Variants in SEC31A observed in about 807,000 individuals in gnomAD.
The protein encoded by SEC31A is protein transport protein Sec31A.
In SEC31A, 70 loss-of-function variants were observed where a neutral mutation model predicts 151.0. That is an observed-to-expected ratio of 0.46 (90% CI 0.38 to 0.57). SEC31A has a LOEUF of 0.57. Ranked by LOEUF, SEC31A falls within the 20% of genes least tolerant of loss-of-function variation. SEC31A has a pLI of 0.00. For missense variants in SEC31A, 1,330 were observed against 1,471.2 expected, an observed-to-expected ratio of 0.90 and a Z score of 1.57; for synonymous variants, 475 against 505.9, an observed-to-expected ratio of 0.94 and a Z score of 0.82.
intron 24 of SEC31A, among the ~76,000 whole-genome samples, chr4:82,825,121 G>A (rs1724250300): frequency 1.3e-5 from 2 of 152,234 alleles, no homozygotes; most frequent in Admixed American, 1.3e-4. Flanking sequence ...TAACTGGGCT[G>A]TGATCAAAAC....
At chr4:82,845,993 T>TG (rs1560608767) in intron 20 of SEC31A, among the ~76,000 whole-genome samples, 1 of 151,492 alleles carries the variant, frequency 6.6e-6, no homozygotes, top group East Asian at 1.9e-4. Context: ...ATTGTTTTTT[T>TG]GTTTGTTTGT....
At chr4:82,822,498 T>A (rs916702888) in intron 25 of SEC31A, among the ~76,000 whole-genome samples, 4 of 152,122 alleles carry the variant, frequency 2.6e-5, no homozygotes, top group Admixed American at 2.0e-4. Flanking sequence ...GGAATGCCAG[T>A]GTGCTTGGAG....
chr4:82,862,235 AT>A (rs1234521205), intron 13 of SEC31A, among the ~76,000 whole-genome samples: 12 of 64,008 alleles, frequency 1.9e-4, no homozygotes, highest in South Asian at 8.1e-4. Context: ...CTTTCCTACC[AT>A]TTTTTTTTTC....
At position 82,866,791 on chromosome 4, in the gene SEC31A, A is replaced by T; in HGVS notation, c.1197+17T>A. The T allele has an allele frequency of 2.5e-6, 4 of 1,595,836 alleles. No homozygotes were observed. The highest frequency in any genetic ancestry group is 3.4e-6 in the Non-Finnish European group (4 of 1,174,706). On this transcript the variant is annotated intron_variant, in intron 10 of 26. Transcript: ENST00000395310. ...AGTCCTTTGTGCCTATGGACCATAA[A>T]AACAAAATCCACCTACTGAAAAAGA...
chr4:82,887,257 G>C (rs1740939078), intron 1 of SEC31A, among the ~76,000 whole-genome samples: 1 of 152,074 alleles, frequency 6.6e-6, no homozygotes, highest in African/African-American at 2.4e-5. Context: ...ATTAATGCTT[G>C]GTTAATGTGT....
In SEC31A at chr4:82,837,174, TATATATATATATATATATATATATA is replaced by T. The variant is rs1240015775; in HGVS notation, c.2968+4941_2968+4965del. On this transcript the variant is annotated intron_variant, in intron 22 of 26. Coordinates refer to ENST00000395310, the MANE Select transcript of SEC31A (RefSeq NM_001077207.4). ...AAATTTTATCATATATATATATATA[TATATATATATATATATATATATATA>T]ATTTCACCACAATAAAAACTTTAAT... Among the ~76,000 whole-genome samples the T allele has an allele frequency of 4.4e-3, 215 of 48,692 alleles. 4 individuals are homozygous for T. Among genetic ancestry groups the T allele is most frequent in the Non-Finnish European group, 0.011 (168 of 15,798 alleles). The allele number at this position is 48,692 out of a possible 152,430, so 31.9% of individuals were successfully genotyped here. A position where few individuals can be genotyped will look rare whatever the true frequency, so the allele number is the denominator to read the frequency against.
At chr4:82,860,182 C>G (rs185232740) in intron 14 of SEC31A, among the ~76,000 whole-genome samples, 16 of 152,014 alleles carry the variant, frequency 1.1e-4, no homozygotes, top group African/African-American at 3.4e-4. Flanking sequence ...GATATAAGGT[C>G]AAAAAATGCA....
At chr4:82,839,176 G>A (rs1217932167) in intron 22 of SEC31A, among the ~76,000 whole-genome samples, 2 of 151,818 alleles carry the variant, frequency 1.3e-5, no homozygotes, top group African/African-American at 4.8e-5. Context: ...TTGAGATGGA[G>A]TTACGCTCTT....
intron 22 of SEC31A, among the ~76,000 whole-genome samples, chr4:82,833,240 T>A (rs1257705728): frequency 1.3e-5 from 2 of 151,982 alleles, no homozygotes; most frequent in African/African-American, 4.8e-5. Context: ...AAAGGATGAG[T>A]TCATGTACTT....
chr4:82,830,319 C>T (rs1229667455), intron 22 of SEC31A, among the ~76,000 whole-genome samples: 2 of 152,080 alleles, frequency 1.3e-5, no homozygotes, highest in Admixed American at 1.3e-4. Flanking sequence ...AAATTAGCTG[C>T]TTGTGGTGGT....
At chr4:82,841,337 C>T (rs903002458) in intron 22 of SEC31A, among the ~76,000 whole-genome samples, 9 of 150,696 alleles carry the variant, frequency 6.0e-5, no homozygotes, top group East Asian at 1.9e-4. Flanking sequence ...ACAGGAGAAT[C>T]GCTTGAACCC....
chr4:82,871,796 G>T, intron 7 of SEC31A, 148 bp downstream of exon 7: 1 of 916,790 alleles, frequency 1.1e-6, no homozygotes, highest in Non-Finnish European at 1.6e-6. Flanking sequence ...CCAAGATCTT[G>T]CCACTGCACT....
At chr4:82,824,746 G>A in intron 24 of SEC31A, 72 bp from the exon 25 acceptor site, 2 of 1,526,836 alleles carry the variant, frequency 1.3e-6, no homozygotes, top group Non-Finnish European at 1.8e-6. Flanking sequence ...TTGAATCTAT[G>A]TGATAAACAG....
intron 22 of SEC31A, chr4:82,829,463 TA>T (rs971562100): frequency 9.2e-5 from 14 of 152,108 alleles, no homozygotes; most frequent in Admixed American, 3.3e-4. Context: ...ATTCAACATA[TA>T]AAAAAAAAGA....
rs745879365 is a variant in SEC31A at position 82,851,503 on chromosome 4, C to G, written c.2256G>C (p.Gln752His). Residue 752 changes from glutamine (Q) to histidine (H), a missense_variant, in exon 19 of 27, where the codon CAG becomes CAC. Transcript: ENST00000395310. Reference sequence around the variant, plus strand: ...CCTGAGCTGCCAACAAATTGGCATACTGACTCATCTTCGCAGCCAAGAGAA... The same window carrying G: ...CCTGAGCTGCCAACAAATTGGCATAGTGACTCATCTTCGCAGCCAAGAGAA... ...VGVLLAAKMS[Q>H]YANLLAAQGS... 6.2e-7 allele frequency: 1 copy of G among 1,614,126 alleles called. No homozygotes were observed. The highest frequency in any genetic ancestry group is 8.5e-7 in the Non-Finnish European group (1 of 1,179,974).
intron 7 of SEC31A, chr4:82,871,424 G>T (rs768409531): frequency 8.0e-6 from 12 of 1,503,814 alleles, no homozygotes; most frequent in Non-Finnish European, 1.1e-5. Context: ...TAGGAACTGT[G>T]ACTTTAAGCA....
intron 22 of SEC31A, among the ~76,000 whole-genome samples, chr4:82,835,087 T>C (rs1473904195): frequency 6.6e-6 from 1 of 152,176 alleles, no homozygotes; most frequent in Non-Finnish European, 1.5e-5. Flanking sequence ...CTTCAAGCGA[T>C]GCACCCACTT....
chr4:82,858,542 CAA>C (rs201988682), intron 14 of SEC31A, among the ~76,000 whole-genome samples: 10 of 62,948 alleles, frequency 1.6e-4, no homozygotes, highest in South Asian at 5.2e-4. Context: ...GACTCTGTCT[CAA>C]AAAAAAAAAA....
chr4:82,857,408 A>T (rs1242252251), intron 15 of SEC31A, among the ~76,000 whole-genome samples: 2 of 152,312 alleles, frequency 1.3e-5, no homozygotes, highest in East Asian at 3.9e-4. Flanking sequence ...AGCCTTCCCA[A>T]GGCACTGATC....
Sources: allele counts gnomAD v4.1 joint callset (sites outside exome capture counted in the v4.1 genomes callset), GRCh38; gene constraint gnomAD v4.1.1; transcripts MANE v1.5; gene names NCBI Gene and HGNC (gene_info 2026-07-23, HGNC 2026-07-21).